The following PPP2R5C variants were observed in gnomAD, a reference collection of about 807,000 sequenced individuals.
PPP2R5C encodes the protein protein phosphatase 2 regulatory subunit B'gamma, also known as serine/threonine-protein phosphatase 2A 56 kDa regulatory subunit gamma isoform.
A neutral mutation model predicts 68.9 loss-of-function variants in PPP2R5C; 7 were observed. The ratio of observed to expected loss-of-function variants is 0.10; its 90% CI spans 0.06 to 0.19. PPP2R5C has a LOEUF of 0.19. Among genes scored for constraint, PPP2R5C ranks in the 10% least tolerant of loss-of-function variants. The probability of loss-of-function intolerance (pLI) is 1.00; values close to 1 mark genes in which losing one functional copy is unlikely to be tolerated. For synonymous variants in PPP2R5C, 210 were observed against 222.2 expected, an observed-to-expected ratio of 0.95 and a Z score of 0.49; for missense variants, 348 against 641.3, an observed-to-expected ratio of 0.54 and a Z score of 4.94.
chr14:101,876,774 C>T (rs116644043), intron 2 of PPP2R5C, among the ~76,000 whole-genome samples: 1,944 of 152,164 alleles, frequency 0.013, 39 homozygotes, highest in African/African-American at 0.038. Context: ...CACTCACGTG[C>T]GTGCCATTAT....
intron 3 of PPP2R5C, among the ~76,000 whole-genome samples, chr14:101,790,810 G>T (rs929262993): frequency 6.6e-6 from 1 of 152,248 alleles, no homozygotes; most frequent in Non-Finnish European, 1.5e-5. Context: ...GCTGGGCACC[G>T]TGGCTCACGC....
chr14:101,909,068 TG>T (rs1470412289), intron 10 of PPP2R5C, among the ~76,000 whole-genome samples: 1 of 152,088 alleles, frequency 6.6e-6, no homozygotes, highest in African/African-American at 2.4e-5. Flanking sequence ...GAGGCTCAGC[TG>T]GAACAATTTG....
intron 2 of PPP2R5C, among the ~76,000 whole-genome samples, chr14:101,779,453 A>C (rs1279467059): frequency 6.6e-6 from 1 of 152,172 alleles, no homozygotes; most frequent in Non-Finnish European, 1.5e-5. Flanking sequence ...CTGAAGGCTG[A>C]GTAGATCAAA....
intron 1 of PPP2R5C, among the ~76,000 whole-genome samples, chr14:101,845,650 A>G (rs1455270480): frequency 2.0e-5 from 3 of 152,216 alleles, no homozygotes; most frequent in East Asian, 1.9e-4. Context: ...TTGTGGGGGA[A>G]GTGAATACTA....
At chr14:101,848,868 A>G (rs974906653) in intron 1 of PPP2R5C, among the ~76,000 whole-genome samples, 1 of 152,254 alleles carries the variant, frequency 6.6e-6, no homozygotes, top group East Asian at 1.9e-4. Flanking sequence ...TATAACTCAC[A>G]TACAGAAGCA....
rs1360976638 is a variant in PPP2R5C, at chr14:101,797,991, A to G, written c.259+11808A>G. ...TGTCCCTGTGTCCTTGCTGTTGGCA[A>G]GCAGAAGTTCCCTGGCAGCCTTTGA... On this transcript the variant is annotated intron_variant, in intron 3 of 14. Transcript: ENST00000328724. The surrounding 1 kb of genome is among the most constrained non-coding windows in gnomAD (Gnocchi z 4.2). 6.6e-6 allele frequency among the ~76,000 whole-genome samples: 1 copy of G among 152,112 alleles called. No individual in the cohort carries two copies. Among genetic ancestry groups the G allele is most frequent in the Non-Finnish European group, 1.5e-5 (1 of 68,026 alleles).
At chr14:101,814,083 A>G (rs2039521286) in intron 1 of PPP2R5C, among the ~76,000 whole-genome samples, 1 of 152,236 alleles carries the variant, frequency 6.6e-6, no homozygotes, top group Non-Finnish European at 1.5e-5. Context: ...TTAGTAACAC[A>G]CCTGCATGGT....
chr14:101,905,222 C>T lies in PPP2R5C; in HGVS notation c.1024-1180C>T, dbSNP rs533349825. Reference sequence around the variant, plus strand: ...TACAAAAATTAGCCAGGTGCGATGGCGCATGCCTATAGTCCCAGCCACTCA... The same window carrying T: ...TACAAAAATTAGCCAGGTGCGATGGTGCATGCCTATAGTCCCAGCCACTCA... On this transcript the variant is annotated intron_variant, in intron 9 of 13. Coordinates refer to ENST00000334743, the Ensembl canonical transcript of PPP2R5C. 5.1e-4 allele frequency among the ~76,000 whole-genome samples: 77 copies of T among 152,256 alleles called. No homozygotes were observed. The South Asian group carries it at 0.014, about 28-fold the overall frequency.
intron 1 of PPP2R5C, among the ~76,000 whole-genome samples, chr14:101,836,877 G>A (rs548171624): frequency 3.9e-5 from 6 of 152,336 alleles, no homozygotes; most frequent in Non-Finnish European, 7.4e-5. Flanking sequence ...TATTCATCAC[G>A]CTAAAGCGTA....
chr14:101,893,208 T>G, intron 7 of PPP2R5C, 100 bp downstream of exon 9: 2 of 756,664 alleles, frequency 2.6e-6, no homozygotes, highest in Non-Finnish European at 4.4e-6. Context: ...CTTTCTTCTT[T>G]ATAGGCCTGT....
intron 2 of PPP2R5C, among the ~76,000 whole-genome samples, chr14:101,782,743 TC>T (rs1240984804): frequency 5.6e-4 from 1 of 1,772 alleles, no homozygotes; most frequent in East Asian, 7.8e-3. Flanking sequence ...TCTCTCTTTC[TC>T]CCCCCTTCCC....
intron 1 of PPP2R5C, among the ~76,000 whole-genome samples, chr14:101,851,998 G>A (rs1255348897): frequency 2.6e-5 from 4 of 152,080 alleles, no homozygotes; most frequent in African/African-American, 9.7e-5. Context: ...GTTGGCTGTG[G>A]TATTCGCCGT....
Position 101,894,519 on chromosome 14 carries a change from G to A in PPP2R5C, c.811G>A (p.Val271Ile), listed in dbSNP as rs377686366. 4.1e-5 allele frequency: 66 copies of A among 1,613,796 alleles called. No individual in the cohort carries two copies. Among genetic ancestry groups the A allele is most frequent in the Non-Finnish European group, 5.4e-5 (64 of 1,179,802 alleles). The stretch of plus-strand genomic sequence containing the variant: ...TTTTACTTTTTAGCTGGCATACTGT[G>A]TAGTGCAGTTTTTAGAAAAGGACAG... Residue 271 changes from valine to isoleucine, a missense_variant, in exon 8 of 14, where the codon GTA becomes ATA. Coordinates refer to ENST00000334743, the Ensembl canonical transcript of PPP2R5C.
Position 101,763,255 on chromosome 14 carries a change from T to C in PPP2R5C, c.93+285T>C, listed in dbSNP as rs183100156. On this transcript the variant is annotated intron_variant, in intron 2 of 14. Transcript: ENST00000328724. Reference sequence around the variant, plus strand: ...ATTTTTTTGAGACGGGGTCTCACTTTGTCACGCAGGCTGGAGTGCAGTGGC... The same window carrying C: ...ATTTTTTTGAGACGGGGTCTCACTTCGTCACGCAGGCTGGAGTGCAGTGGC... 1.6e-3 allele frequency among the ~76,000 whole-genome samples: 249 copies of C among 152,260 alleles called. 1 individual carries two copies. Among genetic ancestry groups the C allele is most frequent in the Admixed American group, 6.0e-3 (92 of 15,290 alleles).
At chr14:101,849,721 T>A (rs10129950) in intron 1 of PPP2R5C, among the ~76,000 whole-genome samples, 1 of 152,224 alleles carries the variant, frequency 6.6e-6, no homozygotes, top group African/African-American at 2.4e-5. Flanking sequence ...TCTTTCTTCT[T>A]TTCTTTTCTT....
chr14:101,918,065 A>C (rs979368961), intron 13 of PPP2R5C, 118 bp downstream of exon 15: 175 of 1,408,834 alleles, frequency 1.2e-4, no homozygotes, highest in Non-Finnish European at 1.5e-4. Context: ...TTAAAACTTA[A>C]ATTTTGCTAG....
At chr14:101,921,638 C>A (rs2047012443) in intron 13 of PPP2R5C, among the ~76,000 whole-genome samples, 2 of 151,774 alleles carry the variant, frequency 1.3e-5, no homozygotes, top group South Asian at 2.1e-4. Context: ...TATATATAGT[C>A]ATTTGATTAT....
At chr14:101,830,147 A>G (rs12432571) in intron 1 of PPP2R5C, among the ~76,000 whole-genome samples, 19,767 of 152,108 alleles carry the variant, frequency 0.13, 1,636 homozygotes, top group African/African-American at 0.23. Flanking sequence ...AGAAATGCCA[A>G]ATTGTTCTCC....
At chr14:101,918,299 C>G (rs1359902203) in intron 13 of PPP2R5C, among the ~76,000 whole-genome samples, 2 of 151,484 alleles carry the variant, frequency 1.3e-5, no homozygotes, top group African/African-American at 4.9e-5. Context: ...CTGCTTCGAC[C>G]CAGAGAGGCT....
Sources: gnomAD v4.1 joint callset for allele counts (sites outside exome capture counted in the v4.1 genomes callset) on GRCh38, gnomAD v4.1.1 for gene constraint, Gnocchi (gnomAD v3.1) non-coding constraint, MANE v1.5 for transcripts, NCBI Gene and HGNC (gene_info 2026-07-23, HGNC 2026-07-21) for gene names.